The following C12orf42 variants were observed in gnomAD, a reference collection of about 807,000 sequenced individuals.
C12orf42 encodes the protein uncharacterized protein C12orf42.
Under a neutral mutation model 21.6 loss-of-function variants are expected in C12orf42, and 25 were observed. The observed-to-expected ratio is 1.16, with a 90% confidence interval of 0.84 to 1.62. C12orf42 has a LOEUF of 1.62. Among genes scored for constraint, C12orf42 ranks in the 40% most tolerant of loss-of-function variants. C12orf42 has a pLI of 0.00. For synonymous variants in C12orf42, 174 were observed against 175.0 expected (o/e 0.99, Z 0.05); for missense variants, 483 against 459.3 (o/e 1.05, Z -0.47).
chr12:103,400,251 G>C (rs144328918), intron 3 of C12orf42, among the ~76,000 whole-genome samples: 157 of 152,264 alleles, frequency 1.0e-3, no homozygotes, highest in African/African-American at 3.3e-3. Context: ...GTGGCACCCA[G>C]GGGGCACTGG....
chr12:103,148,700 A>G, the C12orf42 span, among the ~76,000 whole-genome samples: 9 of 152,174 alleles, frequency 5.9e-5, no homozygotes, highest in African/African-American at 2.2e-4. Flanking sequence ...TATTTCTTTA[A>G]TTGTCTCTAT....
intron 1 of C12orf42, chr12:103,495,659 G>A (rs1338822536): frequency 3.3e-5 from 5 of 151,436 alleles, no homozygotes; most frequent in African/African-American, 1.2e-4. Context: ...GCGGCGAGGT[G>A]GGGGTTGGGG....
the C12orf42 span, among the ~76,000 whole-genome samples, chr12:103,110,535 TAAAATC>T: frequency 3.7e-4 from 56 of 152,242 alleles, no homozygotes; most frequent in Non-Finnish European, 7.5e-4. Context: ...GTATTTTTGT[TAAAATC>T]TAAGTGGTGG....
chr12:103,230,761 T>G, the C12orf42 span, among the ~76,000 whole-genome samples: 11 of 152,210 alleles, frequency 7.2e-5, no homozygotes, highest in Non-Finnish European at 1.6e-4. Flanking sequence ...AACTTTTACT[T>G]TGTTGATTCT....
intron 10 of C12orf42, among the ~76,000 whole-genome samples, chr12:103,240,212 CTA>C (rs950798784): frequency 6.6e-6 from 1 of 152,174 alleles, no homozygotes; most frequent in Non-Finnish European, 1.5e-5. Context: ...CACAGTAACT[CTA>C]TGAGTCAATC....
chr12:103,271,421 G>C (rs565983534), intron 5 of C12orf42, among the ~76,000 whole-genome samples: 1 of 152,242 alleles, frequency 6.6e-6, no homozygotes, highest in African/African-American at 2.4e-5. Context: ...TTTCATACAG[G>C]GTGAGAGGCA....
At chr12:103,315,675 A>T (rs76836262) in intron 4 of C12orf42, among the ~76,000 whole-genome samples, 10,238 of 152,226 alleles carry the variant, frequency 0.067, 421 homozygotes, top group East Asian at 0.15. Flanking sequence ...AACTTCCTAA[A>T]ATTAATGACA....
chr12:103,075,733 G>A, the C12orf42 span, among the ~76,000 whole-genome samples: 2 of 152,146 alleles, frequency 1.3e-5, no homozygotes, highest in African/African-American at 4.8e-5. Flanking sequence ...TAAGAATGAA[G>A]TCTGGATAGC....
the C12orf42 span, among the ~76,000 whole-genome samples, chr12:103,106,543 T>A: frequency 1.3e-5 from 2 of 151,974 alleles, no homozygotes; most frequent in Non-Finnish European, 2.9e-5. Context: ...GATCTAAGTT[T>A]TTTGTTTTCT....
At chr12:103,445,348 C>T (rs963866469) in intron 2 of C12orf42, among the ~76,000 whole-genome samples, 4 of 151,468 alleles carry the variant, frequency 2.6e-5, no homozygotes, top group Non-Finnish European at 4.4e-5. Flanking sequence ...AACTCAATAC[C>T]ATATAATATC....
At chr12:103,382,720 T>C (rs1328948774) in intron 3 of C12orf42, among the ~76,000 whole-genome samples, 1 of 152,156 alleles carries the variant, frequency 6.6e-6, no homozygotes, top group East Asian at 1.9e-4. Context: ...AGTTAATCAT[T>C]CCCCTGCTTC....
chr12:103,483,436 G>A (rs893559904), intron 1 of C12orf42, among the ~76,000 whole-genome samples: 25 of 152,052 alleles, frequency 1.6e-4, no homozygotes, highest in Non-Finnish European at 3.4e-4. Context: ...TTCCCAGAAA[G>A]GATCCAGCCT....
At chr12:103,186,219 A>G in the C12orf42 span, among the ~76,000 whole-genome samples, 4 of 152,186 alleles carry the variant, frequency 2.6e-5, no homozygotes, top group Non-Finnish European at 4.4e-5. Context: ...TCATGGCTAT[A>G]GGCTTTTAGG....
chr12:103,472,554 G>A (rs1953712474), intron 2 of C12orf42, among the ~76,000 whole-genome samples: 1 of 152,208 alleles, frequency 6.6e-6, no homozygotes, highest in African/African-American at 2.4e-5. Flanking sequence ...GACACTGCCT[G>A]CCCTCCTTGC....
At chr12:103,319,498 T>C (rs2039871832) in intron 4 of C12orf42, among the ~76,000 whole-genome samples, 1 of 152,248 alleles carries the variant, frequency 6.6e-6, no homozygotes, top group Non-Finnish European at 1.5e-5. Context: ...ATACCCATGC[T>C]GAGTTTTTGC....
At chr12:103,523,210 G>A in the C12orf42 span, among the ~76,000 whole-genome samples, 2 of 152,150 alleles carry the variant, frequency 1.3e-5, no homozygotes, top group African/African-American at 2.4e-5. Context: ...GGTCTATGGA[G>A]CTATTGTGGG....
chr12:103,093,317 G>C, the C12orf42 span, among the ~76,000 whole-genome samples: 1 of 152,134 alleles, frequency 6.6e-6, no homozygotes, highest in Non-Finnish European at 1.5e-5. Flanking sequence ...TGATGAACTG[G>C]AGAGTACATT....
intron 2 of C12orf42, among the ~76,000 whole-genome samples, chr12:103,435,121 GC>G (rs1348217174): frequency 6.6e-6 from 1 of 152,082 alleles, no homozygotes; most frequent in Non-Finnish European, 1.5e-5. Flanking sequence ...TAACTGGGAG[GC>G]ACCCCCCAGC....
chr12:103,285,291 G>A (rs1188454898), intron 4 of C12orf42, among the ~76,000 whole-genome samples: 3 of 152,210 alleles, frequency 2.0e-5, no homozygotes, highest in Middle Eastern at 3.2e-3. Context: ...GATCTACTCT[G>A]TGCTAAGCAC....
Sources: gnomAD v4.1 joint callset for allele counts (sites outside exome capture counted in the v4.1 genomes callset) on GRCh38, gnomAD v4.1.1 for gene constraint, MANE v1.5 for transcripts, NCBI Gene and HGNC (gene_info 2026-07-23, HGNC 2026-07-21) for gene names.